Variants in ELK3 observed in about 807,000 individuals in gnomAD.
ELK3 encodes ETS domain-containing protein Elk-3.
In ELK3, 10 loss-of-function variants were observed where a neutral mutation model predicts 28.9. The observed-to-expected ratio is 0.35, with a 90% confidence interval of 0.21 to 0.59. ELK3 has a LOEUF of 0.59. Among genes scored for constraint, ELK3 ranks in the 20% least tolerant of loss-of-function variants. ELK3 has a pLI of 0.82. For synonymous variants in ELK3, 272 were observed against 243.5 expected, an observed-to-expected ratio of 1.12 and a Z score of -1.09; for missense variants, 463 against 517.3, an observed-to-expected ratio of 0.90 and a Z score of 1.02.
At chr12:96,219,328 G>A (rs1951646588) in intron 1 of ELK3, among the ~76,000 whole-genome samples, 1 of 152,042 alleles carries the variant, frequency 6.6e-6, no homozygotes, top group African/African-American at 2.4e-5. Flanking sequence ...TTTTTCCGGT[G>A]AGAGAGATAC....
At position 96,267,163 on chromosome 12, in the gene ELK3, A is replaced by G. The variant is rs776505682; in HGVS notation, c.1207A>G (p.Asn403Asp). The G allele has an allele frequency of 1.2e-6, 2 of 1,612,522 alleles. No homozygotes were observed. The highest frequency in any genetic ancestry group is 1.1e-5 in the South Asian group (1 of 90,714). The change falls in exon 5 of 5, where the codon AAC (asparagine) becomes GAC (aspartate). Residue 403 changes from asparagine (N) to aspartate (D), a missense_variant. Asn to Asp is a conservative substitution (Grantham distance 23). Transcript: ENST00000228741. The stretch of plus-strand genomic sequence containing the variant: ...TGCTTCTCCAGTACTGCTTTCTTCA[A>G]ACTCTCAGAAATCCTGATGACGTCT... ...RAASPVLLSS[N>D]SQKS
intron 2 of ELK3, among the ~76,000 whole-genome samples, chr12:96,233,681 T>C (rs980150273): frequency 6.6e-6 from 1 of 152,208 alleles, no homozygotes; most frequent in Non-Finnish European, 1.5e-5. Flanking sequence ...AATTCTTTAA[T>C]TCCTCCAAAA....
At chr12:96,232,324 A>C (rs1023114089) in intron 2 of ELK3, among the ~76,000 whole-genome samples, 1 of 152,184 alleles carries the variant, frequency 6.6e-6, no homozygotes, top group Non-Finnish European at 1.5e-5. Flanking sequence ...CAATCCCAGC[A>C]CTTTGGGAGG....
chr12:96,218,873 C>A (rs1487100072), intron 1 of ELK3, among the ~76,000 whole-genome samples: 1 of 152,092 alleles, frequency 6.6e-6, no homozygotes, highest in Non-Finnish European at 1.5e-5. Context: ...TGGTCTCGAT[C>A]TCCTGACCTT....
intron 3 of ELK3, among the ~76,000 whole-genome samples, chr12:96,254,314 G>T (rs1951930044): frequency 6.6e-6 from 1 of 152,202 alleles, no homozygotes; most frequent in Non-Finnish European, 1.5e-5. Flanking sequence ...GACAGAGTGA[G>T]ATTCTATCTC....
At chr12:96,217,921 AAGAG>A (rs1196073369) in intron 1 of ELK3, among the ~76,000 whole-genome samples, 2 of 146,528 alleles carry the variant, frequency 1.4e-5, no homozygotes, top group East Asian at 2.0e-4. Flanking sequence ...CTGAGGGACA[AAGAG>A]AGACGCCGTC....
intron 1 of ELK3, among the ~76,000 whole-genome samples, chr12:96,205,015 G>A (rs189424460): frequency 8.6e-4 from 131 of 152,352 alleles, no homozygotes; most frequent in African/African-American, 3.1e-3. Context: ...AGGGAGGTCT[G>A]TGTCTGAGAG....
rs1010277446 is a variant in ELK3 at position 96,268,224 on chromosome 12, T to C, written c.*1044T>C. 1.3e-5 allele frequency: 2 copies of C among 152,158 alleles called. No homozygotes were observed. The highest frequency in any genetic ancestry group is 2.4e-5 in the African/African-American group (1 of 41,438). 9.4% of individuals were successfully genotyped at this position (152,158 alleles called of 1,614,324 possible). A position where few individuals can be genotyped will look rare whatever the true frequency, so the allele number is the denominator to read the frequency against. On this transcript the variant is annotated 3_prime_UTR_variant, in exon 5 of 5. Transcript: ENST00000228741. ...CACTAGGTATCTTCATCAGTATAGG[T>C]AGGTGTTCACAATTTTTGATGGATC...
chr12:96,223,588 T>C lies in ELK3; in HGVS notation c.22T>C (p.Trp8Arg), dbSNP rs1298881262. The change falls in exon 2 of 5, where the codon TGG becomes CGG. Residue 8 changes from tryptophan (W) to arginine (R), a missense_variant. This residue lies in a region of ELK3 where 55 missense variants were observed against 102.5 expected (regional missense o/e 0.54). Coordinates refer to ENST00000228741, the MANE Select transcript of ELK3 (RefSeq NM_005230.4). MESAITL[W>R]QFLLQLLLDQ... ...AGGTATGGAGAGTGCAATCACGCTGTGGCAGTTCCTGTTGCAGTTGCTGCT... is the reference window on the plus strand; with the variant it reads ...AGGTATGGAGAGTGCAATCACGCTGCGGCAGTTCCTGTTGCAGTTGCTGCT... The C allele has an allele frequency of 4.3e-6, 7 of 1,614,048 alleles. No individual in the cohort carries two copies. Among genetic ancestry groups the C allele is most frequent in the Non-Finnish European group, 5.9e-6 (7 of 1,180,030 alleles).
intron 3 of ELK3, among the ~76,000 whole-genome samples, chr12:96,249,654 G>A (rs1237073879): frequency 6.6e-6 from 1 of 152,208 alleles, no homozygotes; most frequent in East Asian, 1.9e-4. Context: ...GGCTGACTCT[G>A]ATTTAGGTGT....
At chr12:96,261,262 A>G (rs186167748) in intron 4 of ELK3, among the ~76,000 whole-genome samples, 45 of 152,220 alleles carry the variant, frequency 3.0e-4, no homozygotes, top group African/African-American at 1.1e-3. Flanking sequence ...TGAAGTGACC[A>G]TATCCTTGGA....
chr12:96,241,408 A>G (rs1226192486), intron 2 of ELK3, among the ~76,000 whole-genome samples: 1 of 149,550 alleles, frequency 6.7e-6, no homozygotes, highest in African/African-American at 2.5e-5. Flanking sequence ...TTCCTCTTCA[A>G]AGGGCACAGT....
intron 4 of ELK3, among the ~76,000 whole-genome samples, chr12:96,262,407 A>G (rs909035469): frequency 5.9e-5 from 9 of 152,202 alleles, no homozygotes; most frequent in African/African-American, 2.2e-4. Context: ...CCTAGTTTAT[A>G]TTTAGAATTC....
chr12:96,213,306 AGC>A (rs1951589438), intron 1 of ELK3, among the ~76,000 whole-genome samples: 1 of 152,188 alleles, frequency 6.6e-6, no homozygotes, highest in African/African-American at 2.4e-5. Flanking sequence ...TTCTTCTCTA[AGC>A]CCAGAAAGAA....
At chr12:96,215,795 A>G (rs1037285434) in intron 1 of ELK3, among the ~76,000 whole-genome samples, 9 of 151,788 alleles carry the variant, frequency 5.9e-5, no homozygotes, top group African/African-American at 2.2e-4. Flanking sequence ...ACCACCAGAC[A>G]CAGCTAATTT....
chr12:96,227,927 A>G (rs1951715544), intron 2 of ELK3, among the ~76,000 whole-genome samples: 1 of 152,204 alleles, frequency 6.6e-6, no homozygotes, highest in Non-Finnish European at 1.5e-5. Context: ...GGCCCCAAAC[A>G]GGGTAGGCAC....
Position 96,247,785 on chromosome 12 carries a change from A to G in ELK3, c.1002+51A>G, listed in dbSNP as rs1217871363. The G allele has an allele frequency of 1.4e-6, 2 of 1,455,840 alleles. No homozygotes were observed. The highest frequency in any genetic ancestry group is 5.0e-5 in the East Asian group (2 of 40,318). 90.2% of individuals were successfully genotyped at this position (1,455,840 alleles called of 1,614,324 possible). Reference sequence around the variant, plus strand: ...CCACAGCCAGCTTCAGTGGCTTAGCAAAAAAGGAAGAGCAACTAAAGAGAC... The same window carrying G: ...CCACAGCCAGCTTCAGTGGCTTAGCGAAAAAGGAAGAGCAACTAAAGAGAC... On this transcript the variant is annotated intron_variant, in intron 3 of 4. Transcript: ENST00000228741. The surrounding 1 kb of genome is among the most constrained non-coding windows in gnomAD (Gnocchi z 5.5).
intron 1 of ELK3, among the ~76,000 whole-genome samples, chr12:96,204,443 G>T (rs562090834): frequency 6.6e-6 from 1 of 152,174 alleles, no homozygotes; most frequent in Non-Finnish European, 1.5e-5. Context: ...ACACCCAAAC[G>T]GGGGAGGACT....
chr12:96,196,501 C>A (rs745392689), intron 1 of ELK3, among the ~76,000 whole-genome samples: 1 of 152,064 alleles, frequency 6.6e-6, no homozygotes, highest in South Asian at 2.1e-4. Context: ...ACCCTCTGAT[C>A]TCTTTTTCTT....
Sources: allele counts gnomAD v4.1 joint callset (sites outside exome capture counted in the v4.1 genomes callset), GRCh38; gene constraint gnomAD v4.1.1; regional missense constraint gnomAD v4.1.1; non-coding constraint Gnocchi (gnomAD v3.1); transcripts MANE v1.5; gene names NCBI Gene and HGNC (gene_info 2026-07-23, HGNC 2026-07-21).